The following RTBDN variants were observed in gnomAD, a reference collection of about 807,000 sequenced individuals.
RTBDN encodes retbindin.
RTBDN carries 24 observed loss-of-function variants against 21.9 expected under a neutral mutation model. That is an observed-to-expected ratio of 1.10 (90% CI 0.79 to 1.54). RTBDN has a LOEUF of 1.54. RTBDN is among the 40% of genes most tolerant of loss of function. The pLI is 0.00. For missense variants in RTBDN, 325 were observed against 315.2 expected (o/e 1.03, Z -0.23); for synonymous variants, 141 against 125.9 (o/e 1.12, Z -0.80).
rs1387387730 is a variant in RTBDN, at chr19:12,825,804, C to T, written c.592G>A (p.Gly198Ser). 1.2e-6 allele frequency: 2 copies of T among 1,611,996 alleles called. No homozygotes were observed. The highest frequency in any genetic ancestry group is 1.7e-6 in the Non-Finnish European group (2 of 1,178,866). Residue 198 changes from glycine (G) to serine (S), a missense_variant, in exon 6 of 6, where the codon GGC becomes AGC. Coordinates refer to ENST00000674343, the MANE Select transcript of RTBDN (RefSeq NM_001270441.2). ...AVPRPRPGRR[G>S]REAPSRRSRS... ...GAACGCCGGGAGGGAGCTTCCCGGC[C>T]CCGTCGTCCTGGTCTGGGACGAGGT...
intron 4 of RTBDN, among the ~76,000 whole-genome samples, chr19:12,828,241 C>G (rs1969399339): frequency 6.6e-6 from 1 of 151,816 alleles, no homozygotes; most frequent in Non-Finnish European, 1.5e-5. Flanking sequence ...ACTAAAAATA[C>G]AAAAATTAGC....
intron 4 of RTBDN, among the ~76,000 whole-genome samples, chr19:12,827,685 T>A (rs1969369698): frequency 6.6e-6 from 1 of 152,094 alleles, no homozygotes; most frequent in African/African-American, 2.4e-5. Context: ...CCCAGGCTGA[T>A]CTTGAACTCC....
chr19:12,826,919 C>A (rs77370002), intron 4 of RTBDN, 48 bp from the exon 5 acceptor site: 21 of 1,325,734 alleles, frequency 1.6e-5, no homozygotes, highest in Non-Finnish European at 2.1e-5. Context: ...TAGTTACATT[C>A]CAGCGCGATT....
At chr19:12,831,004 TTGG>T (rs1261394380) in intron 1 of RTBDN, among the ~76,000 whole-genome samples, 1 of 144,160 alleles carries the variant, frequency 6.9e-6, no homozygotes, top group Non-Finnish European at 1.5e-5. Context: ...TGTGTGTTTC[TTGG>T]TGGAGTGGTT....
upstream of RTBDN, chr19:12,835,325 C>CG: frequency 1.8e-6 from 1 of 557,536 alleles, no homozygotes; most frequent in East Asian, 2.9e-5. Context: ...CTCCGCCTCT[C>CG]GGGGGTGGGT....
rs755236953 is a variant in RTBDN, at chr19:12,828,680, G to A, written c.342C>T (p.Leu114=). ...RLLGVRQAQP[L]CEELCQAWFA... ...ACCAGGCCTGGCAGAGCTCCTCGCA[G>A]AGCGGCTGTGCCTGGCGTACCCCCA... Residue 114 remains leucine (L), a synonymous_variant, in exon 4 of 6, where the codon CTC becomes CTT. Coordinates refer to ENST00000674343, the MANE Select transcript of RTBDN (RefSeq NM_001270441.2). The A allele has an allele frequency of 1.9e-6, 3 of 1,614,046 alleles. No individual in the cohort carries two copies. In the East Asian group the frequency reaches 6.7e-5, roughly 36 times the overall value.
intron 4 of RTBDN, among the ~76,000 whole-genome samples, chr19:12,828,126 G>C (rs1412843891): frequency 6.6e-6 from 1 of 150,912 alleles, no homozygotes; most frequent in Non-Finnish European, 1.5e-5. Flanking sequence ...GGCCGGGCAC[G>C]GTGGCTCACG....
In RTBDN at chr19:12,826,788, A is replaced by G. The variant is rs1969319092; in HGVS notation, c.449T>C (p.Leu150Pro). Reference sequence around the variant, plus strand: ...CCCCACGCTCACCTGTCCATAGGTAAGGCAGCTGGGCTCACAGCCCCTTTT... The same window carrying G: ...CCCCACGCTCACCTGTCCATAGGTAGGGCAGCTGGGCTCACAGCCCCTTTT... ...SEKRGCEPSCLTYGQTFADGT... is the reference protein window; with the variant it reads ...SEKRGCEPSCPTYGQTFADGT... Residue 150 changes from leucine to proline, a missense_variant, in exon 5 of 6, where the codon CTT (leucine) becomes CCT (proline). By Grantham distance (98) the Leu-to-Pro change is moderately conservative. Coordinates refer to ENST00000674343, the MANE Select transcript of RTBDN (RefSeq NM_001270441.2). 3 of 1,553,106 alleles carry G rather than the reference A, an allele frequency of 1.9e-6. No individual in the cohort carries two copies. The highest frequency in any genetic ancestry group is 1.4e-5 in the African/African-American group (1 of 73,210).
chr19:12,828,108 GAAA>G (rs1275777197), intron 4 of RTBDN, among the ~76,000 whole-genome samples: 1 of 128,256 alleles, frequency 7.8e-6, no homozygotes, highest in Non-Finnish European at 1.6e-5. Flanking sequence ...AAAAAAAAAA[GAAA>G]AAAAGGCCGG....
upstream of RTBDN, chr19:12,835,121 A>C: frequency 6.2e-7 from 1 of 1,612,724 alleles, no homozygotes; most frequent in Non-Finnish European, 8.5e-7. Context: ...CTAATCCATC[A>C]TTCCCGAGGT....
rs146539925 is a variant in RTBDN at position 12,825,786 on chromosome 19, G to C, written c.610C>G (p.Arg204Gly). Residue 204 changes from arginine (R) to glycine (G), a missense_variant, in exon 6 of 6, where the codon CGG (arginine) becomes GGG (glycine). Physicochemically the swap from Arg to Gly is moderately radical, Grantham distance 125 (BLOSUM62 -2). Coordinates refer to ENST00000674343, the MANE Select transcript of RTBDN (RefSeq NM_001270441.2). ...PGRRGREAPS[R>G]RSRSPRTSIL... ...GAGGTGCGAGGGCTGCGGGAACGCCGGGAGGGAGCTTCCCGGCCCCGTCGT... is the reference window on the plus strand; with the variant it reads ...GAGGTGCGAGGGCTGCGGGAACGCCCGGAGGGAGCTTCCCGGCCCCGTCGT... 1.2e-6 allele frequency: 2 copies of C among 1,610,938 alleles called. No individual in the cohort carries two copies. Among genetic ancestry groups the C allele is most frequent in the Non-Finnish European group, 1.7e-6 (2 of 1,178,152 alleles).
rs1040680210 is a variant in RTBDN at position 12,825,615 on chromosome 19, A to G, written c.*91T>C. ...GACAGACATCTCAAAACTATTACAG[A>G]AGGCCGAGAGGACGAGGGGTGGGGT... is the stretch of plus-strand genomic sequence containing the variant. On this transcript the variant is annotated 3_prime_UTR_variant, in exon 6 of 6. Coordinates refer to ENST00000674343, the MANE Select transcript of RTBDN (RefSeq NM_001270441.2). 7.5e-6 allele frequency: 11 copies of G among 1,472,584 alleles called. No homozygotes were observed. The highest frequency in any genetic ancestry group is 1.4e-5 in the African/African-American group (1 of 70,804). 91.2% of individuals were successfully genotyped at this position (1,472,584 alleles called of 1,614,324 possible).
chr19:12,834,818 G>T (rs771420782), upstream of RTBDN: 19 of 1,614,108 alleles, frequency 1.2e-5, no homozygotes, highest in Non-Finnish European at 1.4e-5. The surrounding 1 kb of genome is among the most constrained non-coding windows in gnomAD (Gnocchi z 4.7). Context: ...TAGCCGAGAA[G>T]CGTCCTCTGC....
intron 5 of RTBDN, chr19:12,826,224 G>T: frequency 7.6e-7 from 1 of 1,317,042 alleles, no homozygotes; most frequent in East Asian, 3.5e-5. Flanking sequence ...GGGTCCTCCA[G>T]GGTAAAATGT....
intron 2 of RTBDN, 87 bp downstream of exon 2, chr19:12,829,724 C>G: frequency 7.0e-7 from 1 of 1,421,772 alleles, no homozygotes; most frequent in African/African-American, 1.4e-5. Flanking sequence ...TGCTAGGCCC[C>G]TCTCATAAGG....
At chr19:12,831,272 G>T (rs28379625) in intron 1 of RTBDN, among the ~76,000 whole-genome samples, 6,687 of 152,248 alleles carry the variant, frequency 0.044, 169 homozygotes, top group Admixed American at 0.061. Flanking sequence ...GTGTTTGTGT[G>T]CACACATTAT....
At position 12,828,878 on chromosome 19, in the gene RTBDN, G is replaced by T; in HGVS notation, c.245C>A (p.Pro82Gln). 1 of 1,614,202 alleles carries T rather than the reference G, an allele frequency of 6.2e-7. No individual in the cohort carries two copies. Reference protein sequence around the residue: ...PGNHPERCGVPSPECESFLEH... With the variant: ...PGNHPERCGVQSPECESFLEH... ...AGGGTGCTGTACTCACTCAGGGCTC[G>T]GCACTCCACAGCGTTCTGGATGGTT... The change falls in exon 3 of 6, where the codon CCG becomes CAG. Residue 82 changes from proline to glutamine, a missense_variant. Transcript: ENST00000674343.
At position 12,828,965 on chromosome 19, in the gene RTBDN, G is replaced by C; in HGVS notation, c.170-12C>G. 5 of 1,614,070 alleles carry C rather than the reference G, an allele frequency of 3.1e-6. No individual in the cohort carries two copies. Among genetic ancestry groups the C allele is most frequent in the Non-Finnish European group, 4.2e-6 (5 of 1,179,962 alleles). The stretch of plus-strand genomic sequence containing the variant: ...GGGACAACAAGGTCCTGGCAAAGGG[G>C]AACCCTGTGAGCTAGGGTCTTGGAT... On this transcript the variant is annotated splice_polypyrimidine_tract_variant and intron_variant, in intron 2 of 5. Transcript: ENST00000674343.
rs1164779319 is a variant in RTBDN at position 12,834,428 on chromosome 19, G to T, written c.-19+61C>A. The stretch of plus-strand genomic sequence containing the variant: ...GTAAACATGTTTGTGCGGCAACCTC[G>T]CCCCTCACCACCCCAGGAGCCCCCT... On this transcript the variant is annotated intron_variant, in intron 1 of 5. Transcript: ENST00000674343. This position sits in a 1 kb window ranked among gnomAD's most constrained non-coding sequence, Gnocchi z 4.7. 7.6e-7 allele frequency: 1 copy of T among 1,310,526 alleles called. No individual in the cohort carries two copies. The highest frequency in any genetic ancestry group is 1.1e-6 in the Non-Finnish European group (1 of 945,502). The allele number at this position is 1,310,526 out of a possible 1,614,324, so 81.2% of individuals were successfully genotyped here.
Sources: gnomAD v4.1 joint callset for allele counts (sites outside exome capture counted in the v4.1 genomes callset) on GRCh38, gnomAD v4.1.1 for gene constraint, Gnocchi (gnomAD v3.1) non-coding constraint, MANE v1.5 for transcripts, NCBI Gene and HGNC (gene_info 2026-07-23, HGNC 2026-07-21) for gene names.